CDH13: variants seen among roughly 807,000 people sequenced by gnomAD.
The protein encoded by CDH13 is cadherin 13.
Under a neutral mutation model 63.8 loss-of-function variants are expected in CDH13, and 24 were observed. The ratio of observed to expected loss-of-function variants is 0.38; its 90% confidence interval spans 0.27 to 0.53. CDH13 has a LOEUF of 0.53. Ranked by LOEUF, CDH13 falls within the 20% of genes least tolerant of loss-of-function variation. The probability of loss-of-function intolerance (pLI) is 0.85; values close to 1 mark genes in which losing one functional copy is unlikely to be tolerated. For missense variants in CDH13, 1,049 were observed against 903.1 expected (o/e 1.16, Z -2.07); for synonymous variants, 503 against 355.3 (o/e 1.42, Z -4.67).
At chr16:82,779,010 C>T (rs536806220) in intron 1 of CDH13, among the ~76,000 whole-genome samples, 70 of 152,142 alleles carry the variant, frequency 4.6e-4, no homozygotes, top group African/African-American at 6.5e-4. Context: ...ATTGAGATCC[C>T]GGAAAGCAAA....
intron 10 of CDH13, among the ~76,000 whole-genome samples, chr16:83,687,442 G>A (rs1290981748): frequency 6.6e-6 from 1 of 152,084 alleles, no homozygotes; most frequent in Non-Finnish European, 1.5e-5. Context: ...GAGTAGCTGG[G>A]CCGAGGTGCT....
At chr16:83,292,831 C>A (rs1335182783) in intron 5 of CDH13, among the ~76,000 whole-genome samples, 1 of 152,142 alleles carries the variant, frequency 6.6e-6, no homozygotes, top group Non-Finnish European at 1.5e-5. Flanking sequence ...TTTCTCTTTA[C>A]ACTTGCATGG....
At chr16:83,722,651 C>G (rs1419978964) in intron 10 of CDH13, among the ~76,000 whole-genome samples, 1 of 152,170 alleles carries the variant, frequency 6.6e-6, no homozygotes, top group African/African-American at 2.4e-5. Flanking sequence ...CAAAACTGAG[C>G]CAACTGCACT....
intron 6 of CDH13, among the ~76,000 whole-genome samples, chr16:83,438,332 C>T (rs1192849176): frequency 6.6e-6 from 1 of 152,176 alleles, no homozygotes; most frequent in Non-Finnish European, 1.5e-5. Context: ...CTGAAGCTCC[C>T]CATTGTTGCC....
chr16:82,794,707 A>T (rs979857457), intron 1 of CDH13, among the ~76,000 whole-genome samples: 1 of 151,990 alleles, frequency 6.6e-6, no homozygotes, highest in African/African-American at 2.4e-5. Flanking sequence ...TAAATATAAT[A>T]CCCCTTCAGC....
intron 2 of CDH13, among the ~76,000 whole-genome samples, chr16:82,909,830 A>G (rs1597192439): frequency 6.6e-6 from 1 of 152,190 alleles, no homozygotes; most frequent in African/African-American, 2.4e-5. Context: ...TGTACTTCGC[A>G]TATCATGTAT....
intron 2 of CDH13, among the ~76,000 whole-genome samples, chr16:82,944,674 T>C (rs1567682469): frequency 6.6e-6 from 1 of 152,156 alleles, no homozygotes; most frequent in Non-Finnish European, 1.5e-5. Context: ...AGTACCACTG[T>C]TGAGAAACCC....
intron 1 of CDH13, among the ~76,000 whole-genome samples, chr16:82,756,637 T>G (rs2034621071): frequency 1.3e-5 from 2 of 152,086 alleles, no homozygotes; most frequent in African/African-American, 4.8e-5. Flanking sequence ...GAGTAACAGG[T>G]CAGTGAGAAT....
intron 2 of CDH13, among the ~76,000 whole-genome samples, chr16:82,869,171 C>T (rs907779508): frequency 7.9e-5 from 12 of 152,094 alleles, no homozygotes; most frequent in Admixed American, 5.2e-4. Flanking sequence ...CTCAGCCTTC[C>T]GAGTAGCTGG....
intron 1 of CDH13, among the ~76,000 whole-genome samples, chr16:82,753,174 G>C (rs966782331): frequency 6.6e-6 from 1 of 152,136 alleles, no homozygotes; most frequent in Non-Finnish European, 1.5e-5. Flanking sequence ...CAGCCTCTCT[G>C]GGAAGAAGGC....
intron 1 of CDH13, among the ~76,000 whole-genome samples, chr16:82,704,108 A>G (rs968827498): frequency 6.6e-6 from 1 of 152,054 alleles, no homozygotes; most frequent in Non-Finnish European, 1.5e-5. Context: ...CGTGGCTTGA[A>G]TGTTTCTAAA....
chr16:82,985,629 C>T (rs1479705201), intron 2 of CDH13, among the ~76,000 whole-genome samples: 2 of 152,094 alleles, frequency 1.3e-5, no homozygotes, highest in African/African-American at 4.8e-5. Context: ...GGGCAGGACC[C>T]TCACCCTCTC....
At chr16:82,850,340 G>C (rs556760184) in intron 1 of CDH13, among the ~76,000 whole-genome samples, 19 of 152,320 alleles carry the variant, frequency 1.2e-4, no homozygotes, top group Non-Finnish European at 1.8e-4. Context: ...TGCAGAAGTG[G>C]TCGAAATAGC....
chr16:82,993,812 C>T (rs910328160), intron 2 of CDH13, among the ~76,000 whole-genome samples: 4 of 152,104 alleles, frequency 2.6e-5, no homozygotes, highest in Admixed American at 2.6e-4. Flanking sequence ...TTTCCTGAAA[C>T]GTCATTTTGA....
intron 4 of CDH13, among the ~76,000 whole-genome samples, chr16:83,187,950 G>A (rs1048089341): frequency 4.6e-5 from 7 of 152,118 alleles, no homozygotes; most frequent in African/African-American, 1.7e-4. Context: ...GAGCATCCTC[G>A]ATAAAAGGAA....
chr16:82,858,782 C>CTTTGCACAGTGTACAACT, intron 2 of CDH13: 2 of 424,806 alleles, frequency 4.7e-6, no homozygotes, highest in Non-Finnish European at 8.3e-6. Flanking sequence ...AATTCATTTC[C>CTTTGCACAGTGTACAACT]CCTGGGCAGA....
At chr16:83,379,866 T>C (rs1051229266) in intron 6 of CDH13, among the ~76,000 whole-genome samples, 5 of 150,868 alleles carry the variant, frequency 3.3e-5, no homozygotes, top group Non-Finnish European at 4.4e-5. Flanking sequence ...CAATAATTTC[T>C]ATAAAGATTA....
intron 6 of CDH13, among the ~76,000 whole-genome samples, chr16:83,477,147 C>T (rs1395134186): frequency 3.3e-5 from 5 of 152,162 alleles, no homozygotes; most frequent in African/African-American, 4.8e-5. Context: ...TGAACTGCAG[C>T]GAATGAAAAC....
intron 3 of CDH13, among the ~76,000 whole-genome samples, chr16:83,114,781 T>C (rs2035219160): frequency 6.6e-6 from 1 of 152,182 alleles, no homozygotes. Context: ...CAGGAGGCAA[T>C]GAAGCAAACT....
Sources: gnomAD v4.1 joint callset for allele counts (sites outside exome capture counted in the v4.1 genomes callset) on GRCh38, gnomAD v4.1.1 for gene constraint, MANE v1.5 for transcripts, NCBI Gene and HGNC (gene_info 2026-07-23, HGNC 2026-07-21) for gene names.